The following ZNF90 variants were observed in gnomAD, a reference collection of about 807,000 sequenced individuals.
ZNF90 encodes zinc finger protein 90.
Under a neutral mutation model 12.0 loss-of-function variants are expected in ZNF90, and 11 were observed. That is an observed-to-expected ratio of 0.92 (90% CI 0.58 to 1.52). The LOEUF (loss-of-function observed/expected upper bound fraction) is 1.52. Ranked by LOEUF, ZNF90 falls within the 40% of genes most tolerant of loss-of-function variation. The pLI, the probability that ZNF90 is intolerant of heterozygous loss-of-function variation, is 0.00. For synonymous variants in ZNF90, 232 were observed against 240.1 expected (o/e 0.97, Z 0.31); for missense variants, 765 against 711.5 (o/e 1.08, Z -0.86).
intron 3 of ZNF90, among the ~76,000 whole-genome samples, chr19:20,114,746 C>A (rs1228488487): frequency 6.6e-6 from 1 of 152,034 alleles, no homozygotes; most frequent in South Asian, 2.1e-4. Context: ...GGCTGTGTAT[C>A]CTGATGTTGT....
chr19:20,098,161 A>G (rs1555703435), intron 1 of ZNF90, among the ~76,000 whole-genome samples: 1 of 152,192 alleles, frequency 6.6e-6, no homozygotes, highest in Admixed American at 6.5e-5. Flanking sequence ...AGCCTCTATT[A>G]GGGGATCTCT....
chr19:20,080,314 G>A (rs376607106), intron 1 of ZNF90: 7 of 535,886 alleles, frequency 1.3e-5, no homozygotes, highest in Admixed American at 1.1e-4. Flanking sequence ...GACGATCCTT[G>A]TTTTACCAGT....
intron 3 of ZNF90, among the ~76,000 whole-genome samples, chr19:20,112,400 C>T (rs1441500431): frequency 6.6e-6 from 1 of 151,970 alleles, no homozygotes; most frequent in Non-Finnish European, 1.5e-5. Flanking sequence ...TGGCAAACTG[C>T]AGCCTCTGCC....
At chr19:20,080,024 C>T (rs2088808349) in intron 1 of ZNF90, 1 of 317,840 alleles carries the variant, frequency 3.1e-6, no homozygotes, top group Non-Finnish European at 6.1e-6. Flanking sequence ...CAACCTCCGC[C>T]TCCTGGGTTC....
chr19:20,108,448 T>C (rs1367595768), intron 3 of ZNF90, among the ~76,000 whole-genome samples: 9 of 152,176 alleles, frequency 5.9e-5, no homozygotes, highest in Admixed American at 3.9e-4. Context: ...TAGCTGTTAT[T>C]ACAGGCACTT....
intron 1 of ZNF90, among the ~76,000 whole-genome samples, chr19:20,097,990 T>G (rs545557577): frequency 6.6e-6 from 1 of 152,358 alleles, no homozygotes; most frequent in East Asian, 1.9e-4. Flanking sequence ...CAAATCTTCT[T>G]GTAACTGCTG....
chr19:20,083,037 C>G (rs74763124), intron 1 of ZNF90, among the ~76,000 whole-genome samples: 2,896 of 152,252 alleles, frequency 0.019, 92 homozygotes, highest in African/African-American at 0.066. Flanking sequence ...TGAGACATTT[C>G]TTCACGTTTT....
Position 20,118,683 on chromosome 19 carries a change from G to A in ZNF90, c.1129G>A (p.Ala377Thr), listed in dbSNP as rs1965004620. ...KPYKCDKCGK[A>T]FISSSLLYKH... ...CTACAAGTGTGATAAATGTGGCAAA[G>A]CATTTATTTCATCCTCACTCCTTTA... Residue 377 changes from alanine to threonine, a missense_variant, in exon 4 of 4, where the codon GCA becomes ACA. Transcript: ENST00000418063. 1.3e-6 allele frequency: 2 copies of A among 1,566,940 alleles called. No individual in the cohort carries two copies. The highest frequency in any genetic ancestry group is 1.2e-5 in the South Asian group (1 of 85,074).
chr19:20,088,710 A>T (rs577121245), intron 1 of ZNF90, among the ~76,000 whole-genome samples: 1 of 152,312 alleles, frequency 6.6e-6, no homozygotes, highest in East Asian at 1.9e-4. Context: ...GCAGCTAAAG[A>T]GTCAACTTGG....
In ZNF90 at chr19:20,089,797, C is replaced by T. The variant is rs890196948; in HGVS notation, c.3+11662C>T. The stretch of plus-strand genomic sequence containing the variant: ...GGTGTAGGGAGACGGGGGGTGTTGC[C>T]CAGTCTGTCTGTAAGGTGGGGACAG... On this transcript the variant is annotated intron_variant, in intron 1 of 3. Coordinates refer to ENST00000418063, the MANE Select transcript of ZNF90 (RefSeq NM_007138.2). Among the ~76,000 whole-genome samples, 6 of 151,770 alleles carry T rather than the reference C, an allele frequency of 4.0e-5. No individual in the cohort carries two copies. In the East Asian group the frequency reaches 1.2e-3, roughly 29 times the overall value.
intron 1 of ZNF90, among the ~76,000 whole-genome samples, chr19:20,100,376 C>T (rs1380288422): frequency 3.3e-5 from 5 of 152,134 alleles, no homozygotes; most frequent in African/African-American, 9.7e-5. Flanking sequence ...AAAAATAATC[C>T]CCTGCACTGC....
chr19:20,111,421 A>G (rs2089087850), intron 3 of ZNF90, among the ~76,000 whole-genome samples: 2 of 152,236 alleles, frequency 1.3e-5, no homozygotes, highest in South Asian at 4.1e-4. Flanking sequence ...GAGTTTTGCC[A>G]TGTTGCCCAG....
At chr19:20,100,960 C>A (rs1200188625) in intron 1 of ZNF90, among the ~76,000 whole-genome samples, 1 of 152,122 alleles carries the variant, frequency 6.6e-6, no homozygotes, top group Non-Finnish European at 1.5e-5. Flanking sequence ...CGGGAGTGCA[C>A]AACCCCCTTT....
chr19:20,080,456 C>T (rs2088811899), intron 1 of ZNF90: 1 of 302,862 alleles, frequency 3.3e-6, no homozygotes, highest in South Asian at 3.5e-5. Context: ...GGCGCCACAA[C>T]TCATCCTTCT....
At chr19:20,079,470 A>G (rs2088804301) in intron 1 of ZNF90, among the ~76,000 whole-genome samples, 1 of 151,724 alleles carries the variant, frequency 6.6e-6, no homozygotes, top group African/African-American at 2.4e-5. Flanking sequence ...ATGAATTCCA[A>G]AAACATATTG....
intron 3 of ZNF90, among the ~76,000 whole-genome samples, chr19:20,106,170 T>C (rs1203524442): frequency 1.3e-5 from 2 of 151,618 alleles, no homozygotes; most frequent in East Asian, 3.9e-4. Flanking sequence ...AGTTTAAGTA[T>C]ATAAAGCTGT....
chr19:20,109,291 G>A (rs1007852659), intron 3 of ZNF90, among the ~76,000 whole-genome samples: 1 of 152,114 alleles, frequency 6.6e-6, no homozygotes, highest in Non-Finnish European at 1.5e-5. Flanking sequence ...GATTACATAA[G>A]TATGTGTGTT....
rs563438695 is a variant in ZNF90, at chr19:20,104,399, A to G, written c.130+34A>G. Reference sequence around the variant, plus strand: ...AAGTGGAATACATAATTCATAATATACCCTAAAGGTTGTTTTTATGTTTTT... The same window carrying G: ...AAGTGGAATACATAATTCATAATATGCCCTAAAGGTTGTTTTTATGTTTTT... On this transcript the variant is annotated intron_variant, in intron 2 of 3. Transcript: ENST00000418063. The G allele has an allele frequency of 1.6e-4, 246 of 1,561,706 alleles. 1 individual carries two copies. Among genetic ancestry groups the G allele is most frequent in the Admixed American group, 3.8e-4 (19 of 49,944 alleles).
At chr19:20,117,250 G>A (rs2089146207) in intron 3 of ZNF90, among the ~76,000 whole-genome samples, 1 of 151,942 alleles carries the variant, frequency 6.6e-6, no homozygotes, top group Non-Finnish European at 1.5e-5. Flanking sequence ...CATGATGTTG[G>A]TCAGGCTGGT....
Sources: allele counts gnomAD v4.1 joint callset (sites outside exome capture counted in the v4.1 genomes callset), GRCh38; gene constraint gnomAD v4.1.1; transcripts MANE v1.5; gene names NCBI Gene and HGNC (gene_info 2026-07-23, HGNC 2026-07-21).